Variants in TTC8 observed in about 807,000 individuals in gnomAD.
TTC8 encodes tetratricopeptide repeat protein 8.
In TTC8, 47 loss-of-function variants were observed where a neutral mutation model predicts 72.5. That is an observed-to-expected ratio of 0.65 (90% CI 0.51 to 0.83). The LOEUF (loss-of-function observed/expected upper bound fraction) is 0.83. Among genes scored for constraint, TTC8 ranks in the 40% least tolerant of loss-of-function variants. The pLI, the probability that TTC8 is intolerant of heterozygous loss-of-function variation, is 0.00. For synonymous variants in TTC8, 199 were observed against 221.4 expected, an observed-to-expected ratio of 0.90 and a Z score of 0.90; for missense variants, 611 against 623.2, an observed-to-expected ratio of 0.98 and a Z score of 0.21.
chr14:88,859,422 AACCACAT>A (rs1408381248), intron 9 of TTC8, among the ~76,000 whole-genome samples: 2 of 152,168 alleles, frequency 1.3e-5, no homozygotes, highest in Non-Finnish European at 2.9e-5. Context: ...AGGAACAGAA[AACCACAT>A]ACCTCATGTT....
In TTC8 at chr14:88,857,075, C is replaced by A. The variant is rs775275500; in HGVS notation, c.711-115C>A. On this transcript the variant is annotated intron_variant, in intron 8 of 14. Coordinates refer to ENST00000380656, the MANE Select transcript of TTC8 (RefSeq NM_144596.4). ...CATGTTAATTTATGTGTATGTGCAA[C>A]ATTACCTTCCTTGGTATGTGCTTCC... 17 of 915,148 alleles carry A rather than the reference C, an allele frequency of 1.9e-5. No individual in the cohort carries two copies. In the African/African-American group the frequency reaches 2.6e-4, roughly 14 times the overall value. The allele number at this position is 915,148 out of a possible 1,614,324, so 56.7% of individuals were successfully genotyped here.
At chr14:88,836,658 T>A (rs2094753049) in intron 2 of TTC8, among the ~76,000 whole-genome samples, 1 of 152,136 alleles carries the variant, frequency 6.6e-6, no homozygotes, top group Non-Finnish European at 1.5e-5. Context: ...ATGTCAAGAA[T>A]CATGATGAAT....
chr14:88,833,993 T>A (rs1349396966), intron 2 of TTC8: 2 of 470,062 alleles, frequency 4.3e-6, no homozygotes, highest in Non-Finnish European at 7.7e-6. Flanking sequence ...ATTAGAAGGA[T>A]ATGAAAAATA....
chr14:88,863,717 T>C (rs1243644535), intron 10 of TTC8, among the ~76,000 whole-genome samples: 2 of 152,252 alleles, frequency 1.3e-5, no homozygotes, highest in Admixed American at 6.5e-5. Flanking sequence ...TTAACTTTTT[T>C]CTATGCAGGT....
At chr14:88,865,165 G>T (rs1295821567) in intron 10 of TTC8, among the ~76,000 whole-genome samples, 7 of 152,066 alleles carry the variant, frequency 4.6e-5, no homozygotes, top group Non-Finnish European at 8.8e-5. Flanking sequence ...TTGTTGAAAG[G>T]CATTTGCAAT....
At chr14:88,865,167 A>G (rs1314772571) in intron 10 of TTC8, among the ~76,000 whole-genome samples, 1 of 152,150 alleles carries the variant, frequency 6.6e-6, no homozygotes, top group Non-Finnish European at 1.5e-5. Flanking sequence ...GTTGAAAGGC[A>G]TTTGCAATTA....
chr14:88,864,875 G>A (rs893765960), intron 10 of TTC8, among the ~76,000 whole-genome samples: 1 of 152,162 alleles, frequency 6.6e-6, no homozygotes, highest in African/African-American at 2.4e-5. Context: ...TTTTAGCACC[G>A]CAGCCTGCAC....
At position 88,861,243 on chromosome 14, in the gene TTC8, C is replaced by CCTGTGACTGCTTTAAAT. The variant is rs2094884555; in HGVS notation, c.823_839dup (p.Phe281Ter). 6.2e-7 allele frequency: 1 copy of CCTGTGACTGCTTTAAAT among 1,612,542 alleles called. No homozygotes were observed. Among genetic ancestry groups the CCTGTGACTGCTTTAAAT allele is most frequent in the Non-Finnish European group, 8.5e-7 (1 of 1,179,138 alleles). Reference sequence around the variant, plus strand: ...TTAGGTTTATGTCTCATTGGATCAACCTGTGACTGCTTTAAATCTTTTCAA... The same window carrying CCTGTGACTGCTTTAAAT: ...TTAGGTTTATGTCTCATTGGATCAACCTGTGACTGCTTTAAATCTGTGACTGCTTTAAATCTTTTCAA... On this transcript the variant is annotated frameshift_variant, in exon 10 of 15. Coordinates refer to ENST00000380656, the MANE Select transcript of TTC8 (RefSeq NM_144596.4). LOFTEE classifies it high-confidence loss of function.
intron 13 of TTC8, among the ~76,000 whole-genome samples, chr14:88,874,225 C>A (rs896291799): frequency 1.3e-5 from 2 of 151,916 alleles, no homozygotes; most frequent in African/African-American, 4.8e-5. Flanking sequence ...AAAATTATAT[C>A]TTTCATTCTA....
chr14:88,869,671 A>G lies in TTC8; in HGVS notation c.910-388A>G, dbSNP rs142683509. Among the ~76,000 whole-genome samples the G allele has an allele frequency of 3.5e-4, 54 of 152,164 alleles. 1 individual carries two copies. The highest frequency in any genetic ancestry group is 1.3e-3 in the African/African-American group (54 of 41,506). ...TACATTTGCTCTTCCCTCTGCCCAG[A>G]GTGAGCTTCCCCCAGATATGCTCAG... On this transcript the variant is annotated intron_variant, in intron 10 of 14. Transcript: ENST00000380656.
intron 9 of TTC8, among the ~76,000 whole-genome samples, chr14:88,858,189 C>T (rs188013680): frequency 6.6e-5 from 10 of 152,060 alleles, no homozygotes; most frequent in African/African-American, 2.2e-4. Flanking sequence ...CTTGAGCTGC[C>T]GGCCTCAAGT....
chr14:88,852,054 C>A (rs568197866), intron 7 of TTC8, among the ~76,000 whole-genome samples: 4 of 152,254 alleles, frequency 2.6e-5, no homozygotes, highest in Admixed American at 1.3e-4. Context: ...ATTATGTTAA[C>A]ACTGGCTAAA....
In TTC8 at chr14:88,842,500, T is replaced by G. The variant is rs140291718; in HGVS notation, c.579+986T>G. 2.4e-4 allele frequency among the ~76,000 whole-genome samples: 36 copies of G among 152,328 alleles called. No individual in the cohort carries two copies. In the East Asian group the frequency reaches 6.6e-3, roughly 28 times the overall value. On this transcript the variant is annotated intron_variant, in intron 6 of 14. Coordinates refer to ENST00000380656, the MANE Select transcript of TTC8 (RefSeq NM_144596.4). Reference sequence around the variant, plus strand: ...ATTGTAAAGCTATCCTTACTTCCCTTTCTTTTATGAGAGTGGAGTAGTGAA... The same window carrying G: ...ATTGTAAAGCTATCCTTACTTCCCTGTCTTTTATGAGAGTGGAGTAGTGAA...
intron 1 of TTC8, chr14:88,830,956 G>C: frequency 2.2e-6 from 1 of 455,650 alleles, no homozygotes; most frequent in South Asian, 1.6e-5. Flanking sequence ...TTCCATCCTT[G>C]CTGTCATCCC....
At chr14:88,859,900 T>TA (rs1229057516) in intron 9 of TTC8, among the ~76,000 whole-genome samples, 28 of 115,444 alleles carry the variant, frequency 2.4e-4, no homozygotes, top group African/African-American at 1.4e-3. Flanking sequence ...ATATATAATA[T>TA]AATATAAATA....
chr14:88,833,807 C>A, intron 2 of TTC8, 85 bp downstream of exon 2: 1 of 1,240,768 alleles, frequency 8.1e-7, no homozygotes, highest in Non-Finnish European at 1.2e-6. Flanking sequence ...AGAAAATTTG[C>A]TGCATATCTT....
rs908997991 is a variant in TTC8 at position 88,871,823 on chromosome 14, A to C, written c.1224+100A>C. 1.0e-5 allele frequency: 14 copies of C among 1,371,840 alleles called. No homozygotes were observed. The African/African-American group carries it at 1.7e-4, about 17-fold the overall frequency. 85.0% of individuals were successfully genotyped at this position (1,371,840 alleles called of 1,614,324 possible). On this transcript the variant is annotated intron_variant, in intron 12 of 14. Coordinates refer to ENST00000380656, the MANE Select transcript of TTC8 (RefSeq NM_144596.4). This position sits in a 1 kb window ranked among gnomAD's most constrained non-coding sequence, Gnocchi z 4.1. ...TTCCAGCATTTTGGGAGGCTGAAGC[A>C]GGAGGATTGCTTGAGCCCAGGAGTT...
rs1464403129 is a variant in TTC8 at position 88,877,939 on chromosome 14, C to T, written c.*529C>T. The T allele has an allele frequency of 6.6e-6, 1 of 152,150 alleles. No individual in the cohort carries two copies. The highest frequency in any genetic ancestry group is 1.5e-5 in the Non-Finnish European group (1 of 68,052). 9.4% of individuals were successfully genotyped at this position (152,150 alleles called of 1,614,324 possible). A position where few individuals can be genotyped will look rare whatever the true frequency, so the allele number is the denominator to read the frequency against. On this transcript the variant is annotated 3_prime_UTR_variant, in exon 15 of 15. Coordinates refer to ENST00000380656, the MANE Select transcript of TTC8 (RefSeq NM_144596.4). ...ATTTAAAACTATTTTTTATTAAATA[C>T]TTTGTGATTTCCTATTAAGCTTTAA...
chr14:88,824,303 CAG>C (rs2094687945), upstream of TTC8: 1 of 189,770 alleles, frequency 5.3e-6, no homozygotes, highest in Non-Finnish European at 1.1e-5. Context: ...AGAAGTAGGA[CAG>C]ACACCAGACA....
Sources: gnomAD v4.1 joint callset for allele counts (sites outside exome capture counted in the v4.1 genomes callset) on GRCh38, gnomAD v4.1.1 for gene constraint, Gnocchi (gnomAD v3.1) non-coding constraint, MANE v1.5 for transcripts, NCBI Gene and HGNC (gene_info 2026-07-23, HGNC 2026-07-21) for gene names.